RALGAPA2: variants seen among roughly 807,000 people sequenced by gnomAD.
The protein encoded by RALGAPA2 is Ral GTPase activating protein catalytic subunit alpha 2.
A neutral mutation model predicts 230.4 loss-of-function variants in RALGAPA2; 139 were observed. That is an observed-to-expected ratio of 0.60 (90% confidence interval 0.53 to 0.69). The LOEUF is 0.69. RALGAPA2 is among the 30% of genes least tolerant of loss of function. RALGAPA2 has a pLI of 0.00. For missense variants in RALGAPA2, 2,163 were observed against 2,276.0 expected, an observed-to-expected ratio of 0.95 and a Z score of 1.01; for synonymous variants, 847 against 837.8, an observed-to-expected ratio of 1.01 and a Z score of -0.19.
chr20:20,628,517 G>C (rs1316122565), intron 10 of RALGAPA2, among the ~76,000 whole-genome samples: 1 of 151,792 alleles, frequency 6.6e-6, no homozygotes, highest in East Asian at 1.9e-4. Context: ...TGTTTGCTGT[G>C]TTGAAGGCTA....
At chr20:20,651,124 T>C (rs903276904) in intron 4 of RALGAPA2, among the ~76,000 whole-genome samples, 2 of 152,332 alleles carry the variant, frequency 1.3e-5, no homozygotes, top group Non-Finnish European at 1.5e-5. Flanking sequence ...GGAAGTGTTA[T>C]GTTAAGATTG....
intron 1 of RALGAPA2, among the ~76,000 whole-genome samples, chr20:20,709,060 T>G (rs1603261472): frequency 6.6e-6 from 1 of 152,266 alleles, no homozygotes; most frequent in Non-Finnish European, 1.5e-5. Flanking sequence ...GGCTCACACC[T>G]GTAATCCCAG....
intron 10 of RALGAPA2, among the ~76,000 whole-genome samples, chr20:20,628,911 T>C (rs2066578495): frequency 6.6e-6 from 1 of 152,098 alleles, no homozygotes; most frequent in South Asian, 2.1e-4. Flanking sequence ...AATAATTCTA[T>C]CATATTGTGA....
chr20:20,676,263 C>T lies in RALGAPA2; in HGVS notation c.243G>A (p.Glu81=). 1.9e-6 allele frequency: 3 copies of T among 1,568,586 alleles called. No homozygotes were observed. Among genetic ancestry groups the T allele is most frequent in the Non-Finnish European group, 8.7e-7 (1 of 1,144,962 alleles). ...LKGNNKSQRE[E]LDSILFLFEK... ...CAAAAAGGAAGAGGATGGAGTCCAG[C>T]TCCTCCCTTTGTGACTTATTATTCC... Residue 81 remains glutamate (E), a synonymous_variant, in exon 3 of 40, where the codon GAG becomes GAA. Coordinates refer to ENST00000202677, the MANE Select transcript of RALGAPA2 (RefSeq NM_020343.4).
chr20:20,521,240 T>C (rs1218379568), intron 30 of RALGAPA2, 140 bp from the exon 31 acceptor site: 4 of 609,494 alleles, frequency 6.6e-6, no homozygotes, highest in East Asian at 5.8e-5. Context: ...CTTAAATATC[T>C]TCTTGCTATT....
At chr20:20,436,003 C>T (rs962790455) in intron 37 of RALGAPA2, among the ~76,000 whole-genome samples, 3 of 152,192 alleles carry the variant, frequency 2.0e-5, no homozygotes, top group African/African-American at 7.2e-5. Flanking sequence ...AGTTATGTAT[C>T]AAGTTGAATC....
chr20:20,636,276 A>C (rs961245766), intron 8 of RALGAPA2, among the ~76,000 whole-genome samples: 13 of 152,236 alleles, frequency 8.5e-5, no homozygotes, highest in African/African-American at 2.7e-4. Context: ...ACTACTTGCC[A>C]TAAGTTCAAC....
chr20:20,500,756 A>T (rs1434244593), intron 35 of RALGAPA2, among the ~76,000 whole-genome samples: 1 of 152,232 alleles, frequency 6.6e-6, no homozygotes, highest in Non-Finnish European at 1.5e-5. Flanking sequence ...TCTTTGCCAG[A>T]TCCATCAGAG....
intron 3 of RALGAPA2, 96 bp from the exon 4 acceptor site, chr20:20,653,683 G>A: frequency 1.5e-6 from 1 of 671,246 alleles, no homozygotes; most frequent in South Asian, 1.9e-5. Context: ...TTCTAGAAGA[G>A]GAAAAGGAAA....
At chr20:20,666,269 G>A (rs1326504166) in intron 3 of RALGAPA2, among the ~76,000 whole-genome samples, 2 of 152,158 alleles carry the variant, frequency 1.3e-5, no homozygotes, top group Non-Finnish European at 2.9e-5. Flanking sequence ...ATTGATAGTG[G>A]CTTTTTCTCA....
intron 30 of RALGAPA2, among the ~76,000 whole-genome samples, chr20:20,521,964 C>A (rs1490032686): frequency 6.6e-6 from 1 of 152,206 alleles, no homozygotes; most frequent in Non-Finnish European, 1.5e-5. Flanking sequence ...GTTGTCAGGG[C>A]AACCACTTGA....
intron 1 of RALGAPA2, among the ~76,000 whole-genome samples, chr20:20,694,155 A>G (rs2069020303): frequency 6.6e-6 from 1 of 152,008 alleles, no homozygotes; most frequent in African/African-American, 2.4e-5. Context: ...AAAAAAAAAA[A>G]GTGAGGGAGG....
intron 38 of RALGAPA2, among the ~76,000 whole-genome samples, chr20:20,409,803 C>T (rs2060023032): frequency 6.6e-6 from 1 of 152,184 alleles, no homozygotes; most frequent in Admixed American, 6.5e-5. Context: ...TGTACTGCCC[C>T]ACATTTCAGT....
At chr20:20,649,010 C>G (rs1335263585) in intron 4 of RALGAPA2, among the ~76,000 whole-genome samples, 1 of 152,148 alleles carries the variant, frequency 6.6e-6, no homozygotes, top group East Asian at 1.9e-4. Flanking sequence ...GAGGGCAAAA[C>G]ACAAAGAAGT....
intron 35 of RALGAPA2, among the ~76,000 whole-genome samples, chr20:20,496,514 A>G (rs555465377): frequency 3.9e-5 from 6 of 152,310 alleles, no homozygotes; most frequent in Admixed American, 3.9e-4. Context: ...CTCACGTGGA[A>G]CTGCAGAAGG....
chr20:20,498,168 A>G (rs1231068940), intron 35 of RALGAPA2, among the ~76,000 whole-genome samples: 6 of 152,168 alleles, frequency 3.9e-5, no homozygotes, highest in Admixed American at 3.3e-4. Context: ...CTCAAATTAG[A>G]AACCCATCAG....
At chr20:20,546,929 C>G in intron 23 of RALGAPA2, 97 bp from the exon 24 acceptor site, 1 of 1,248,288 alleles carries the variant, frequency 8.0e-7, no homozygotes, top group Non-Finnish European at 1.1e-6. Context: ...GTATAATAAT[C>G]CAAGAGAGCA....
chr20:20,516,059 T>C (rs1228925564), intron 31 of RALGAPA2, among the ~76,000 whole-genome samples: 1 of 152,168 alleles, frequency 6.6e-6, no homozygotes, highest in African/African-American at 2.4e-5. Context: ...CAAGGCTTAC[T>C]GCTGCCTGCT....
chr20:20,495,095 C>A (rs1320489867), intron 36 of RALGAPA2, 22 bp downstream of exon 36: 1 of 1,580,216 alleles, frequency 6.3e-7, no homozygotes, highest in Non-Finnish European at 8.7e-7. Flanking sequence ...TGAGTCAGTA[C>A]AACAATGCAA....
Sources: allele counts gnomAD v4.1 joint callset (sites outside exome capture counted in the v4.1 genomes callset), GRCh38; gene constraint gnomAD v4.1.1; transcripts MANE v1.5; gene names NCBI Gene and HGNC (gene_info 2026-07-23, HGNC 2026-07-21).